The following SLC1A7 variants were observed in gnomAD, a reference collection of about 807,000 sequenced individuals.
The protein encoded by SLC1A7 is solute carrier family 1 member 7.
SLC1A7 carries 40 observed loss-of-function variants against 47.7 expected under a neutral mutation model. The ratio of observed to expected loss-of-function variants is 0.84; its 90% CI spans 0.65 to 1.09. The LOEUF is 1.09. Ranked by LOEUF, SLC1A7 falls within the 50% of genes least tolerant of loss-of-function variation. SLC1A7 has a pLI of 0.00. For synonymous variants in SLC1A7, 323 were observed against 325.6 expected (o/e 0.99, Z 0.09); for missense variants, 746 against 769.5 (o/e 0.97, Z 0.36).
rs1054452769 is a variant in SLC1A7 at position 53,108,776 on chromosome 1, C to T, written c.432-3002G>A. The T allele has an allele frequency of 4.6e-6, 3 of 646,240 alleles. No individual in the cohort carries two copies. In the African/African-American group the frequency reaches 5.5e-5, roughly 12 times the overall value. 40.0% of individuals were successfully genotyped at this position (646,240 alleles called of 1,614,324 possible). On this transcript the variant is annotated intron_variant, in intron 3 of 10. Coordinates refer to ENST00000371494, the MANE Select transcript of SLC1A7 (RefSeq NM_006671.6). ...GTGACTGCCAGCTGCCCACCTCCCA[C>T]TTCTGGACTGTTCTTCAGGAACAAA... is the stretch of plus-strand genomic sequence containing the variant.
chr1:53,098,042 G>A (rs910125659), intron 5 of SLC1A7, among the ~76,000 whole-genome samples: 3 of 142,352 alleles, frequency 2.1e-5, no homozygotes, highest in African/African-American at 8.0e-5. Context: ...CACATACCCT[G>A]CCTCCGTACA....
chr1:53,102,552 G>C (rs1644595454), intron 5 of SLC1A7: 1 of 152,530 alleles, frequency 6.6e-6, no homozygotes, highest in African/African-American at 2.4e-5. Flanking sequence ...TGTGCGGAGA[G>C]GAGCACACGG....
intron 5 of SLC1A7, chr1:53,102,472 G>A (rs11206098): frequency 0.063 from 9,693 of 152,656 alleles, 703 homozygotes; most frequent in East Asian, 0.24. Context: ...TGAGGGCATG[G>A]CACTTGTGGG....
chr1:53,113,514 T>C (rs1330739912), intron 3 of SLC1A7, among the ~76,000 whole-genome samples: 1 of 151,974 alleles, frequency 6.6e-6, no homozygotes, highest in African/African-American at 2.4e-5. Context: ...TGCTGGGTGA[T>C]CAGCACACCT....
At chr1:53,139,291 C>T (rs1480226561) in intron 1 of SLC1A7, among the ~76,000 whole-genome samples, 1 of 152,212 alleles carries the variant, frequency 6.6e-6, no homozygotes, top group African/African-American at 2.4e-5. Flanking sequence ...AGAGAAGTCT[C>T]TTCCTGCCTT....
At chr1:53,120,555 G>T (rs1007369603) in intron 2 of SLC1A7, among the ~76,000 whole-genome samples, 1 of 152,072 alleles carries the variant, frequency 6.6e-6, no homozygotes, top group Non-Finnish European at 1.5e-5. Flanking sequence ...TGTTCCTCCC[G>T]CCTGGAACTC....
intron 1 of SLC1A7, among the ~76,000 whole-genome samples, chr1:53,141,830 C>T (rs532156636): frequency 1.3e-5 from 2 of 152,270 alleles, no homozygotes; most frequent in African/African-American, 4.8e-5. Flanking sequence ...CCAAAAGCAT[C>T]TCATGGTTGC....
intron 7 of SLC1A7, among the ~76,000 whole-genome samples, chr1:53,092,308 G>A (rs549982503): frequency 6.6e-6 from 1 of 152,368 alleles, no homozygotes; most frequent in African/African-American, 2.4e-5. Flanking sequence ...CTGGCGCGTC[G>A]AGGCCGCCCC....
chr1:53,102,079 C>A (rs1374147879), intron 5 of SLC1A7, among the ~76,000 whole-genome samples: 1 of 152,238 alleles, frequency 6.6e-6, no homozygotes, highest in Non-Finnish European at 1.5e-5. Context: ...CTCTTATGTT[C>A]CCAGCCCTGA....
intron 3 of SLC1A7, among the ~76,000 whole-genome samples, chr1:53,107,580 G>GCCCT (rs1644657633): frequency 6.6e-6 from 1 of 152,228 alleles, no homozygotes; most frequent in Non-Finnish European, 1.5e-5. Context: ...TGCTTGAGAA[G>GCCCT]CTAAGACAGA....
At chr1:53,118,608 AG>A (rs1232025322) in intron 2 of SLC1A7, 2 of 152,260 alleles carry the variant, frequency 1.3e-5, no homozygotes, top group Non-Finnish European at 2.9e-5. Flanking sequence ...AAAAGTAAAA[AG>A]AAACAGGTGA....
intron 5 of SLC1A7, among the ~76,000 whole-genome samples, chr1:53,101,298 C>T (rs1483758556): frequency 7.3e-6 from 1 of 137,138 alleles, no homozygotes; most frequent in Non-Finnish European, 1.6e-5. Flanking sequence ...CACCTCGGTA[C>T]ACTCGCACAC....
chr1:53,090,911 T>C, intron 7 of SLC1A7, 105 bp from the exon 8 acceptor site: 1 of 1,547,288 alleles, frequency 6.5e-7, no homozygotes, highest in East Asian at 2.4e-5. Context: ...GCCAGGAGTG[T>C]TTGTGCCTCT....
intron 1 of SLC1A7, among the ~76,000 whole-genome samples, chr1:53,141,985 G>A (rs539340877): frequency 6.6e-6 from 1 of 152,088 alleles, no homozygotes; most frequent in Non-Finnish European, 1.5e-5. Context: ...GGTGTTCTCT[G>A]GTGCCTGTTT....
rs1644415358 is a variant in SLC1A7 at position 53,090,945 on chromosome 1, A to G, written c.1032-139T>C. ...CTGCAGCGCTGCTCCGGCAGGAGGT[A>G]AGGACCGCGGGCACTGCAGTGCTCT... On this transcript the variant is annotated intron_variant, in intron 7 of 10. Coordinates refer to ENST00000371494, the MANE Select transcript of SLC1A7 (RefSeq NM_006671.6). The G allele has an allele frequency of 2.6e-6, 4 of 1,530,236 alleles. No homozygotes were observed. In the East Asian group the frequency reaches 9.8e-5, roughly 38 times the overall value. 94.8% of individuals were successfully genotyped at this position (1,530,236 alleles called of 1,614,324 possible).
intron 7 of SLC1A7, 64 bp downstream of exon 7, chr1:53,092,490 T>C: frequency 1.6e-6 from 2 of 1,218,138 alleles, no homozygotes; most frequent in South Asian, 2.5e-5. Context: ...CAATGATGGC[T>C]GGACAGACGG....
Position 53,142,500 on chromosome 1 carries a change from G to T in SLC1A7, c.-51C>A. 3.8e-6 allele frequency: 6 copies of T among 1,590,848 alleles called. No homozygotes were observed. The highest frequency in any genetic ancestry group is 5.1e-6 in the Non-Finnish European group (6 of 1,169,158). On this transcript the variant is annotated 5_prime_UTR_variant, in exon 1 of 11. Transcript: ENST00000371494. ...GCACAGCACCATTCCACGCATGAGA[G>T]CCCGGCCGGGGGCACAGGGTCTGGG...
At chr1:53,088,355 C>T (rs1456725386) in intron 10 of SLC1A7, 128 bp from the exon 11 acceptor site, 17 of 754,314 alleles carry the variant, frequency 2.3e-5, no homozygotes, top group Admixed American at 8.8e-5. Flanking sequence ...CCTGCAGACA[C>T]GCTGTGTGAC....
chr1:53,105,551 G>C (rs1277926694), intron 4 of SLC1A7, among the ~76,000 whole-genome samples, 181 bp downstream of exon 4: 1 of 152,086 alleles, frequency 6.6e-6, no homozygotes, highest in African/African-American at 2.4e-5. Context: ...CAGGGATGTG[G>C]CCATGGGGGT....
Sources: allele counts gnomAD v4.1 joint callset (sites outside exome capture counted in the v4.1 genomes callset), GRCh38; gene constraint gnomAD v4.1.1; transcripts MANE v1.5; gene names NCBI Gene and HGNC (gene_info 2026-07-23, HGNC 2026-07-21).